Variants in CEP135 observed in about 807,000 individuals in gnomAD.
CEP135 encodes the protein centrosomal protein 135.
Under a neutral mutation model 157.3 loss-of-function variants are expected in CEP135, and 142 were observed. The ratio of observed to expected loss-of-function variants is 0.90; its 90% CI spans 0.79 to 1.04. CEP135 has a LOEUF of 1.04. Ranked by LOEUF, CEP135 falls within the 50% of genes least tolerant of loss-of-function variation. The pLI is 0.00. For synonymous variants in CEP135, 396 were observed against 439.8 expected (o/e 0.90, Z 1.25); for missense variants, 1,317 against 1,309.2 (o/e 1.01, Z -0.09).
intron 20 of CEP135, 131 bp from the exon 21 acceptor site, chr4:56,011,669 G>A: frequency 1.0e-6 from 1 of 965,680 alleles, no homozygotes; most frequent in Non-Finnish European, 1.5e-6. Context: ...ATTTTAGTGT[G>A]GTACCTGCAC....
At position 56,019,845 on chromosome 4, in the gene CEP135, G is replaced by A. The variant is rs116581788; in HGVS notation, c.3215+290G>A. Reference sequence around the variant, plus strand: ...TCCCAGCTACTCAGGAGGCTGAAGCGTGAGAATCACTTGAACCCAGGAGGT... The same window carrying A: ...TCCCAGCTACTCAGGAGGCTGAAGCATGAGAATCACTTGAACCCAGGAGGT... On this transcript the variant is annotated intron_variant, in intron 23 of 25. Coordinates refer to ENST00000257287, the MANE Select transcript of CEP135 (RefSeq NM_025009.5). Among the ~76,000 whole-genome samples the A allele has an allele frequency of 0.069, 10,426 of 152,084 alleles. 468 individuals carry two copies. Among genetic ancestry groups the A allele is most frequent in the Middle Eastern group, 0.082 (24 of 294 alleles).
chr4:55,986,497 A>G (rs1351114170), intron 14 of CEP135, among the ~76,000 whole-genome samples: 1 of 152,174 alleles, frequency 6.6e-6, no homozygotes, highest in Non-Finnish European at 1.5e-5. Flanking sequence ...AGCTGTGATC[A>G]CACCACTGCA....
chr4:55,999,643 A>G lies in CEP135; in HGVS notation c.2278A>G (p.Lys760Glu). The G allele has an allele frequency of 6.3e-7, 1 of 1,584,968 alleles. No individual in the cohort carries two copies. The highest frequency in any genetic ancestry group is 2.2e-5 in the East Asian group (1 of 44,784). The stretch of plus-strand genomic sequence containing the variant: ...AAATTTGCAAGAAAACCTAGCTAAT[A>G]AAGTATGTGATCGTTTAATGTAATT... ...IANLQENLANKEKAVAQMKIM... is the reference protein window; with the variant it reads ...IANLQENLANEEKAVAQMKIM... The change falls in exon 17 of 26, where the codon AAA becomes GAA. Residue 760 changes from lysine (K) to glutamate (E), a missense_variant and splice_region_variant. By Grantham distance (56) the Lys-to-Glu change is moderately conservative. Coordinates refer to ENST00000257287, the MANE Select transcript of CEP135 (RefSeq NM_025009.5).
chr4:55,999,019 G>A (rs1730068730), intron 15 of CEP135, among the ~76,000 whole-genome samples: 1 of 152,166 alleles, frequency 6.6e-6, no homozygotes, highest in Admixed American at 6.5e-5. Flanking sequence ...AGGAAACTAA[G>A]AAGAGCTTTA....
Position 55,971,316 on chromosome 4 carries a change from T to G in CEP135, c.1157T>G (p.Leu386Arg). The change falls in exon 10 of 26, where the codon CTC (leucine) becomes CGC (arginine). Residue 386 changes from leucine to arginine, a missense_variant. By Grantham distance (102) the Leu-to-Arg change is moderately radical. Transcript: ENST00000257287. ...QKEKERLSDE[L>R]LVKSDLETVV... ...GAAAAGGAGAGACTGAGTGATGAAC[T>G]CCTTGTAAAATCAGACCTAGAAACT... The G allele has an allele frequency of 6.2e-7, 1 of 1,606,158 alleles. No individual in the cohort carries two copies. Among genetic ancestry groups the G allele is most frequent in the Non-Finnish European group, 8.5e-7 (1 of 1,176,606 alleles).
intron 6 of CEP135, chr4:55,960,652 T>C (rs1266700982): frequency 6.6e-6 from 1 of 152,064 alleles, no homozygotes; most frequent in Non-Finnish European, 1.5e-5. Context: ...TGACCAGGCG[T>C]GGTGGCTCAT....
intron 17 of CEP135, among the ~76,000 whole-genome samples, chr4:56,004,010 A>G (rs570422242): frequency 1.2e-4 from 19 of 152,258 alleles, no homozygotes; most frequent in African/African-American, 4.6e-4. Context: ...ATGAGCCACC[A>G]TGCTCAGCCT....
chr4:56,004,178 C>A (rs878859284), intron 17 of CEP135, among the ~76,000 whole-genome samples: 1 of 152,118 alleles, frequency 6.6e-6, no homozygotes, highest in African/African-American at 2.4e-5. Flanking sequence ...ATTGGTCATT[C>A]GAGAGCAACT....
At chr4:55,962,052 C>T (rs1309779548) in intron 6 of CEP135, among the ~76,000 whole-genome samples, 1 of 152,088 alleles carries the variant, frequency 6.6e-6, no homozygotes, top group African/African-American at 2.4e-5. Flanking sequence ...TCATAACAAT[C>T]CTGTGAAGAC....
chr4:55,990,570 A>G (rs1229319821), intron 14 of CEP135, among the ~76,000 whole-genome samples: 5 of 152,028 alleles, frequency 3.3e-5, no homozygotes, highest in Non-Finnish European at 1.5e-5. Context: ...ATCATAGCTC[A>G]CTGCCTCCTC....
chr4:55,984,344 A>G (rs1180285865), intron 13 of CEP135, among the ~76,000 whole-genome samples: 3 of 152,212 alleles, frequency 2.0e-5, no homozygotes, highest in African/African-American at 7.2e-5. Flanking sequence ...CTTTAAGTCC[A>G]GGCCAAACAT....
rs143073417 is a variant in CEP135 at position 55,996,244 on chromosome 4, C to CT, written c.2010-3057dup. The stretch of plus-strand genomic sequence containing the variant: ...CAAGCAGTCTTCCCACCTCAGCCTC[C>CT]TGAGTAGCTGGGACTATAGGCATGC... On this transcript the variant is annotated intron_variant, in intron 15 of 25. Coordinates refer to ENST00000257287, the MANE Select transcript of CEP135 (RefSeq NM_025009.5). Among the ~76,000 whole-genome samples, 1,426 of 152,246 alleles carry CT rather than the reference C, an allele frequency of 9.4e-3. 12 individuals are homozygous for CT. Among genetic ancestry groups the CT allele is most frequent in the Non-Finnish European group, 0.013 (897 of 68,022 alleles).
In CEP135 at chr4:56,017,742, A is replaced by C; in HGVS notation, c.2897A>C (p.Glu966Ala). The C allele has an allele frequency of 6.2e-7, 1 of 1,614,052 alleles. No homozygotes were observed. Among genetic ancestry groups the C allele is most frequent in the Non-Finnish European group, 8.5e-7 (1 of 1,180,010 alleles). ...GAAGAGCTGAGACATCAAGAAGATG[A>C]GAAAGCAACAGTATTAAATGACTTG... ...LEEELRHQED[E>A]KATVLNDLSS... The change falls in exon 22 of 26, where the codon GAG (glutamate) becomes GCG (alanine). Residue 966 changes from glutamate to alanine, a missense_variant. Transcript: ENST00000257287.
At chr4:56,003,357 C>A (rs887701911) in intron 17 of CEP135, among the ~76,000 whole-genome samples, 1 of 151,952 alleles carries the variant, frequency 6.6e-6, no homozygotes, top group African/African-American at 2.4e-5. Flanking sequence ...AGGTGCCCAC[C>A]ACCACACCTG....
At chr4:56,005,719 C>T (rs1206440074) in intron 17 of CEP135, among the ~76,000 whole-genome samples, 1 of 152,080 alleles carries the variant, frequency 6.6e-6, no homozygotes, top group Non-Finnish European at 1.5e-5. Context: ...TTTCTTTTTG[C>T]ACGTTAGTTT....
At chr4:55,977,324 A>T (rs1304048610) in intron 11 of CEP135, among the ~76,000 whole-genome samples, 1 of 152,132 alleles carries the variant, frequency 6.6e-6, no homozygotes, top group Non-Finnish European at 1.5e-5. Flanking sequence ...GGTGGGTACT[A>T]TCCTCCTCAC....
chr4:55,953,294 A>G lies in CEP135; in HGVS notation c.304+19A>G. The G allele has an allele frequency of 6.9e-7, 1 of 1,458,326 alleles. No homozygotes were observed. Among genetic ancestry groups the G allele is most frequent in the Non-Finnish European group, 9.1e-7 (1 of 1,095,040 alleles). The allele number at this position is 1,458,326 out of a possible 1,614,324, so 90.3% of individuals were successfully genotyped here. A position where few individuals can be genotyped will look rare whatever the true frequency, so the allele number is the denominator to read the frequency against. ...GTTAAAGGTAAGTGAAAATTTGATAATTTTTAAAATGCAATGTCTTTGTCC... is the reference window on the plus strand; with the variant it reads ...GTTAAAGGTAAGTGAAAATTTGATAGTTTTTAAAATGCAATGTCTTTGTCC... On this transcript the variant is annotated intron_variant, in intron 3 of 25. Transcript: ENST00000257287.
At chr4:55,982,315 T>G (rs1285938305) in intron 13 of CEP135, among the ~76,000 whole-genome samples, 2 of 152,228 alleles carry the variant, frequency 1.3e-5, no homozygotes, top group Admixed American at 6.5e-5. Context: ...ATATTTTCAT[T>G]TCTCTTGGGT....
At chr4:55,992,391 A>T (rs188410770) in intron 15 of CEP135, among the ~76,000 whole-genome samples, 4 of 152,336 alleles carry the variant, frequency 2.6e-5, no homozygotes, top group African/African-American at 9.6e-5. Flanking sequence ...TAAATACTTC[A>T]GATCATTTGT....
Sources: gnomAD v4.1 joint callset for allele counts (sites outside exome capture counted in the v4.1 genomes callset) on GRCh38, gnomAD v4.1.1 for gene constraint, MANE v1.5 for transcripts, NCBI Gene and HGNC (gene_info 2026-07-23, HGNC 2026-07-21) for gene names.